CLPTM1L: variants seen among roughly 807,000 people sequenced by gnomAD.
The protein encoded by CLPTM1L is lipid scramblase CLPTM1L.
A neutral mutation model predicts 70.9 loss-of-function variants in CLPTM1L; 38 were observed. The ratio of observed to expected loss-of-function variants is 0.54; its 90% CI spans 0.41 to 0.70. The LOEUF (loss-of-function observed/expected upper bound fraction) is 0.70, where lower values mean the gene tolerates loss of function less well. CLPTM1L is among the 30% of genes least tolerant of loss of function. CLPTM1L has a pLI of 0.00. For missense variants in CLPTM1L, 652 were observed against 705.9 expected (o/e 0.92, Z 0.87); for synonymous variants, 339 against 299.9 (o/e 1.13, Z -1.35).
intron 4 of CLPTM1L, 63 bp from the exon 5 acceptor site, chr5:1,338,045 A>G (rs1753693714): frequency 1.5e-6 from 2 of 1,311,754 alleles, no homozygotes; most frequent in South Asian, 2.5e-5. Context: ...ATGAATGAAC[A>G]CATCCAGACA....
At chr5:1,322,780 A>T in intron 13 of CLPTM1L, 97 bp downstream of exon 13, 1 of 1,286,980 alleles carries the variant, frequency 7.8e-7, no homozygotes, top group Non-Finnish European at 1.1e-6. Context: ...GCCTCAAATC[A>T]CAGGGGGGCT....
chr5:1,344,370 C>T lies in CLPTM1L; in HGVS notation c.244G>A (p.Val82Met). The T allele has an allele frequency of 6.2e-7, 1 of 1,613,628 alleles. No homozygotes were observed. Among genetic ancestry groups the T allele is most frequent in the Non-Finnish European group, 8.5e-7 (1 of 1,179,682 alleles). ...DLVLNVEDFD[V>M]ESKFERTVNV... is the part of the protein sequence containing the mutation. ...CCATACCTTTCAAATTTGGACTCCACATCAAAGTCTTCCACATTCAAGACC... is the reference window on the plus strand; with the variant it reads ...CCATACCTTTCAAATTTGGACTCCATATCAAAGTCTTCCACATTCAAGACC... Residue 82 changes from valine (V) to methionine (M), a missense_variant, in exon 2 of 17, where the codon GTG becomes ATG. Physicochemically the swap from Val to Met is conservative, Grantham distance 21. Coordinates refer to ENST00000320895, the MANE Select transcript of CLPTM1L (RefSeq NM_030782.5).
chr5:1,332,835 T>TA, intron 7 of CLPTM1L, among the ~76,000 whole-genome samples: 1 of 152,374 alleles, frequency 6.6e-6, no homozygotes, highest in East Asian at 1.9e-4. Context: ...ATTCATTCAT[T>TA]ACGTTATTTG....
chr5:1,322,951 A>T, intron 12 of CLPTM1L, 40 bp from the exon 13 acceptor site: 1 of 1,563,740 alleles, frequency 6.4e-7, no homozygotes, highest in Non-Finnish European at 8.8e-7. Context: ...TTTCTCGCAT[A>T]GCTTAATATC....
At chr5:1,332,024 G>A (rs899277649) in intron 7 of CLPTM1L, 141 bp from the exon 8 acceptor site, 16 of 706,266 alleles carry the variant, frequency 2.3e-5, no homozygotes, top group Admixed American at 2.2e-4. Flanking sequence ...GTCTACACTC[G>A]GGACCCATGC....
chr5:1,320,999 CCAGAGCCAAGGCTGGAGCCGCCCGAGA>C (rs1752117645), intron 15 of CLPTM1L, among the ~76,000 whole-genome samples: 1 of 152,246 alleles, frequency 6.6e-6, no homozygotes, highest in South Asian at 2.1e-4. Flanking sequence ...TGGCCTGAAA[CCAGAGCCAAGGCTGGAGCCGCCCGAGA>C]CAGAGCCAAG....
In CLPTM1L at chr5:1,335,447, G is replaced by A. The variant is rs767667830; in HGVS notation, c.679-273C>T. Among the ~76,000 whole-genome samples the A allele has an allele frequency of 1.1e-3, 168 of 152,336 alleles. 2 individuals are homozygous for A. Among genetic ancestry groups the A allele is most frequent in the Non-Finnish European group, 5.3e-4 (36 of 68,030 alleles). ...GTGCCTGGTCTGTTTTGCTGCACGT[G>A]CCCCTTCAATTTTAAGCCGCACAAG... On this transcript the variant is annotated intron_variant, in intron 5 of 16. Transcript: ENST00000320895.
intron 5 of CLPTM1L, among the ~76,000 whole-genome samples, chr5:1,336,167 G>A (rs772171764): frequency 3.9e-5 from 6 of 152,228 alleles, no homozygotes; most frequent in East Asian, 1.9e-4. Flanking sequence ...GCTGCCAAGC[G>A]TGTCCGAAGG....
chr5:1,337,120 C>T (rs1268317306), intron 5 of CLPTM1L, among the ~76,000 whole-genome samples: 2 of 152,162 alleles, frequency 1.3e-5, no homozygotes, highest in African/African-American at 4.8e-5. Context: ...GGCAGGGCAG[C>T]GATCCTGCAG....
chr5:1,321,942 A>C, intron 13 of CLPTM1L, 123 bp from the exon 14 acceptor site: 1 of 846,506 alleles, frequency 1.2e-6, no homozygotes. Context: ...GGCAGAAAAC[A>C]AGGTCTGCTA....
chr5:1,334,436 T>C, intron 6 of CLPTM1L, 53 bp from the exon 7 acceptor site: 1 of 1,252,692 alleles, frequency 8.0e-7, no homozygotes, highest in Non-Finnish European at 1.2e-6. Flanking sequence ...CAATCTTACC[T>C]AACATTACAA....
intron 3 of CLPTM1L, among the ~76,000 whole-genome samples, chr5:1,340,380 A>C (rs1448480962): frequency 6.6e-6 from 1 of 152,240 alleles, no homozygotes; most frequent in South Asian, 2.1e-4. Flanking sequence ...ACATGGACTG[A>C]CAGGGAAATC....
chr5:1,320,635 C>T lies in CLPTM1L; in HGVS notation c.1513G>A (p.Val505Ile). 3 of 1,543,736 alleles carry T rather than the reference C, an allele frequency of 1.9e-6. No homozygotes were observed. Among genetic ancestry groups the T allele is most frequent in the South Asian group, 2.4e-5 (2 of 83,498 alleles). Reference sequence around the variant, plus strand: ...ACTCACCACCGCTGGTACAGGTAGACCAGAAACACCACGTCGTCCCGGAAG... The same window carrying T: ...ACTCACCACCGCTGGTACAGGTAGATCAGAAACACCACGTCGTCCCGGAAG... ...ACFRDDVVFL[V>I]YLYQRWLYPV... The change falls in exon 16 of 17, where the codon GTC becomes ATC. Residue 505 changes from valine (V) to isoleucine (I), a missense_variant. Physicochemically the swap from Val to Ile is conservative, Grantham distance 29. Transcript: ENST00000320895.
chr5:1,330,258 C>G (rs1752996345), intron 9 of CLPTM1L, 22 bp downstream of exon 9: 1 of 1,601,838 alleles, frequency 6.2e-7, no homozygotes, highest in Non-Finnish European at 8.5e-7. Flanking sequence ...TCAGACAGTT[C>G]AGGTCACTGC....
chr5:1,339,054 C>T (rs776666249), intron 3 of CLPTM1L, 49 bp from the exon 4 acceptor site: 12 of 1,591,758 alleles, frequency 7.5e-6, no homozygotes, highest in East Asian at 6.8e-5. Context: ...AAAACCATGC[C>T]CAGGACAGCA....
At position 1,338,834 on chromosome 5, in the gene CLPTM1L, C is replaced by T. The variant is rs200170226; in HGVS notation, c.599+26G>A. The T allele has an allele frequency of 1.4e-4, 218 of 1,611,822 alleles. 1 individual carries two copies. Among genetic ancestry groups the T allele is most frequent in the Middle Eastern group, 1.0e-3 (6 of 5,970 alleles). On this transcript the variant is annotated intron_variant, in intron 4 of 16. Transcript: ENST00000320895. ...CAGGGTCCCAGCACCCTCCCCCCGGCGCTCCAGCTCTGGGGCCCCACTTAC... is the reference window on the plus strand; with the variant it reads ...CAGGGTCCCAGCACCCTCCCCCCGGTGCTCCAGCTCTGGGGCCCCACTTAC...
chr5:1,319,599 C>T (rs181294900), intron 16 of CLPTM1L, among the ~76,000 whole-genome samples: 24 of 152,294 alleles, frequency 1.6e-4, no homozygotes, highest in African/African-American at 3.6e-4. Flanking sequence ...CCCGCCAGGA[C>T]GGCCTGGGGG....
intron 15 of CLPTM1L, among the ~76,000 whole-genome samples, chr5:1,321,390 A>AAAAAAGAAAAAG (rs796176706): frequency 5.5e-4 from 83 of 152,272 alleles, no homozygotes; most frequent in African/African-American, 1.9e-3. Context: ...CATAAACACT[A>AAAAAAGAAAAAG]AAAAAGAAAA....
chr5:1,344,539 C>T lies in CLPTM1L; in HGVS notation c.163-88G>A, dbSNP rs371628662. ...CACGGCCAGCTGGAGGGCGGAAGAC[C>T]TGGCCGCTGGGGAACCAGGAAAGGT... On this transcript the variant is annotated intron_variant, in intron 1 of 16. Coordinates refer to ENST00000320895, the MANE Select transcript of CLPTM1L (RefSeq NM_030782.5). The T allele has an allele frequency of 1.5e-4, 227 of 1,481,360 alleles. No homozygotes were observed. In the African/African-American group the frequency reaches 2.8e-3, roughly 19 times the overall value. The allele number at this position is 1,481,360 out of a possible 1,614,324, so 91.8% of individuals were successfully genotyped here. A position where few individuals can be genotyped will look rare whatever the true frequency, so the allele number is the denominator to read the frequency against.
Sources: gnomAD v4.1 joint callset for allele counts (sites outside exome capture counted in the v4.1 genomes callset) on GRCh38, gnomAD v4.1.1 for gene constraint, MANE v1.5 for transcripts, NCBI Gene and HGNC (gene_info 2026-07-23, HGNC 2026-07-21) for gene names.